NDUFB6: variants seen among roughly 807,000 people sequenced by gnomAD.
NDUFB6 encodes the protein NADH dehydrogenase [ubiquinone] 1 beta subcomplex subunit 6.
A neutral mutation model predicts 17.5 loss-of-function variants in NDUFB6; 23 were observed. The observed-to-expected ratio is 1.31, with a 90% CI of 0.94 to 1.86. NDUFB6 has a LOEUF of 1.86. NDUFB6 is among the 40% of genes most tolerant of loss of function. The pLI is 0.00. For missense variants in NDUFB6, 167 were observed against 153.8 expected, an observed-to-expected ratio of 1.09 and a Z score of -0.46; for synonymous variants, 60 against 53.5, an observed-to-expected ratio of 1.12 and a Z score of -0.53.
At chr9:32,566,477 G>T in intron 2 of NDUFB6, 1 of 796,146 alleles carries the variant, frequency 1.3e-6, no homozygotes. Flanking sequence ...ATGTCGAAGG[G>T]ACCCTGGCAG....
At chr9:32,570,841 A>G (rs1587652721) in intron 2 of NDUFB6, 119 bp downstream of exon 2, 1 of 594,478 alleles carries the variant, frequency 1.7e-6, no homozygotes, top group Non-Finnish European at 2.8e-6. Context: ...AAGAGAATTC[A>G]AAGTACTTCA....
At chr9:32,557,186 A>T (rs1821485592) in intron 3 of NDUFB6, among the ~76,000 whole-genome samples, 1 of 120,248 alleles carries the variant, frequency 8.3e-6, no homozygotes. Context: ...TTTTCCCGAG[A>T]CAGAGTCTCA....
At chr9:32,564,433 T>A (rs1821718615) in intron 2 of NDUFB6, among the ~76,000 whole-genome samples, 1 of 152,084 alleles carries the variant, frequency 6.6e-6, no homozygotes, top group Non-Finnish European at 1.5e-5. Context: ...ACTCTATCAG[T>A]GCCATTTTTC....
intron 2 of NDUFB6, among the ~76,000 whole-genome samples, chr9:32,560,539 G>A (rs1162852776): frequency 6.6e-6 from 1 of 152,210 alleles, no homozygotes; most frequent in Admixed American, 6.5e-5. Flanking sequence ...TAATGTGTAA[G>A]ATAATCTGGC....
intron 3 of NDUFB6, among the ~76,000 whole-genome samples, chr9:32,555,793 A>AC (rs1239192090): frequency 6.6e-6 from 1 of 152,096 alleles, no homozygotes; most frequent in African/African-American, 2.4e-5. Context: ...AAAAGAACAA[A>AC]CCCCCTGGAC....
intron 3 of NDUFB6, among the ~76,000 whole-genome samples, chr9:32,555,076 G>C (rs1011261831): frequency 2.0e-5 from 3 of 151,014 alleles, no homozygotes; most frequent in Non-Finnish European, 2.9e-5. Flanking sequence ...GTGCACGCTA[G>C]AGACTTTCTG....
chr9:32,561,714 CATAA>C (rs1821632124), intron 2 of NDUFB6, among the ~76,000 whole-genome samples: 1 of 152,172 alleles, frequency 6.6e-6, no homozygotes, highest in African/African-American at 2.4e-5. Flanking sequence ...ATTTTGCAGT[CATAA>C]ATGACTGTGA....
intron 3 of NDUFB6, among the ~76,000 whole-genome samples, chr9:32,556,804 C>G (rs2119001273): frequency 6.7e-6 from 1 of 149,114 alleles, no homozygotes; most frequent in South Asian, 2.1e-4. Context: ...GGCTGTAACA[C>G]ACATCAATGT....
intron 2 of NDUFB6, among the ~76,000 whole-genome samples, chr9:32,564,513 T>C (rs671979): frequency 7.9e-3 from 238 of 30,128 alleles, no homozygotes; most frequent in Non-Finnish European, 0.014. Context: ...TATTACACTT[T>C]TTTAAAAAAA....
At chr9:32,554,182 G>A (rs1252540399) in intron 3 of NDUFB6, among the ~76,000 whole-genome samples, 1 of 152,134 alleles carries the variant, frequency 6.6e-6, no homozygotes, top group Non-Finnish European at 1.5e-5. Flanking sequence ...ATCAAAAAGG[G>A]CACGAAAATT....
At chr9:32,559,652 T>C (rs1448450271) in intron 2 of NDUFB6, among the ~76,000 whole-genome samples, 1 of 152,192 alleles carries the variant, frequency 6.6e-6, no homozygotes, top group Non-Finnish European at 1.5e-5. Flanking sequence ...TGTATCTTCA[T>C]TTCATTTATG....
At chr9:32,570,682 T>C (rs61102035) in intron 2 of NDUFB6, among the ~76,000 whole-genome samples, 25,869 of 152,014 alleles carry the variant, frequency 0.17, 2,345 homozygotes, top group Middle Eastern at 0.3. Flanking sequence ...TATTCATGAC[T>C]CCAAATTTAC....
intron 2 of NDUFB6, among the ~76,000 whole-genome samples, chr9:32,559,920 T>C (rs867503146): frequency 2.0e-5 from 3 of 152,190 alleles, no homozygotes; most frequent in Non-Finnish European, 4.4e-5. Context: ...ACATAAGTAA[T>C]TGTTGAATAC....
At chr9:32,556,527 C>T (rs1458863412) in intron 3 of NDUFB6, among the ~76,000 whole-genome samples, 2 of 152,314 alleles carry the variant, frequency 1.3e-5, no homozygotes, top group African/African-American at 4.8e-5. Context: ...TTGTCCTATT[C>T]TAAACATATA....
At chr9:32,568,650 A>ATATATGTATATATGTACATATACT (rs1821866535) in intron 2 of NDUFB6, 1 of 166,788 alleles carries the variant, frequency 6.0e-6, no homozygotes, top group Non-Finnish European at 1.4e-5. Context: ...ATATACATAT[A>ATATATGTATATATGTACATATACT]TATATATGTA....
chr9:32,555,881 CT>C (rs1390449405), intron 3 of NDUFB6, among the ~76,000 whole-genome samples: 1 of 152,226 alleles, frequency 6.6e-6, no homozygotes, highest in Non-Finnish European at 1.5e-5. Flanking sequence ...CAAGTAATTT[CT>C]CACACACGGG....
At chr9:32,556,602 G>A (rs756894900) in intron 3 of NDUFB6, among the ~76,000 whole-genome samples, 1 of 152,140 alleles carries the variant, frequency 6.6e-6, no homozygotes, top group African/African-American at 2.4e-5. Context: ...AACCACAGTG[G>A]CAAAAAATAC....
chr9:32,553,694 T>C lies in NDUFB6; in HGVS notation c.*182A>G, dbSNP rs756128655. The C allele has an allele frequency of 3.6e-6, 2 of 554,040 alleles. No individual in the cohort carries two copies. The highest frequency in any genetic ancestry group is 6.4e-6 in the Non-Finnish European group (2 of 310,108). The allele number at this position is 554,040 out of a possible 1,614,324, so 34.3% of individuals were successfully genotyped here. On this transcript the variant is annotated 3_prime_UTR_variant, in exon 4 of 4. Coordinates refer to ENST00000379847, the MANE Select transcript of NDUFB6 (RefSeq NM_002493.5). ...AAGTAGGTAGTCTCTCATATTTGTT[T>C]AGCATGTCCACTTTTTACTTATTGT... is the stretch of plus-strand genomic sequence containing the variant.
chr9:32,561,549 G>A (rs1011339818), intron 2 of NDUFB6, among the ~76,000 whole-genome samples: 14 of 151,820 alleles, frequency 9.2e-5, no homozygotes, highest in Non-Finnish European at 1.5e-4. Flanking sequence ...GGCTGGTCTC[G>A]AACCTCTGAG....
Sources: allele counts gnomAD v4.1 joint callset (sites outside exome capture counted in the v4.1 genomes callset), GRCh38; gene constraint gnomAD v4.1.1; transcripts MANE v1.5; gene names NCBI Gene and HGNC (gene_info 2026-07-23, HGNC 2026-07-21).